The following SPRY3 variants were observed in gnomAD, a reference collection of about 807,000 sequenced individuals.
The protein encoded by SPRY3 is sprouty RTK signaling antagonist 3.
Under a neutral mutation model 20.2 loss-of-function variants are expected in SPRY3, and 15 were observed. The ratio of observed to expected loss-of-function variants is 0.74; its 90% CI spans 0.50 to 1.14. The LOEUF (loss-of-function observed/expected upper bound fraction) is 1.14, where lower values mean the gene tolerates loss of function less well. Among genes scored for constraint, SPRY3 ranks in the 50% most tolerant of loss-of-function variants. The pLI is 0.00. For synonymous variants in SPRY3, 143 were observed against 136.5 expected (o/e 1.05, Z -0.33); for missense variants, 364 against 363.9 (o/e 1.00, Z 0.00).
exon 4 of SPRY3, chrX:155,775,514 G>T (rs2091419078): frequency 6.0e-6 from 1 of 167,086 alleles, no homozygotes; most frequent in Non-Finnish European, 1.5e-5. Context: ...AAGGGAAATG[G>T]ATTACTGTAA....
At chrX:155,629,597 G>A (rs1196938226) in intron 1 of SPRY3, among the ~76,000 whole-genome samples, 18 of 111,572 alleles carry the variant, frequency 1.6e-4, no homozygotes, top group African/African-American at 5.9e-4. Flanking sequence ...CTTCCACAAT[G>A]GTTGAACTAG....
chrX:155,660,486 G>GTA (rs1353502339), intron 2 of SPRY3, among the ~76,000 whole-genome samples: 3 of 111,813 alleles, frequency 2.7e-5, no homozygotes, highest in Non-Finnish European at 5.6e-5. Context: ...TGAGAAGAAT[G>GTA]TATATACTGC....
exon 4 of SPRY3, chrX:155,774,499 C>A: frequency 6.2e-7 from 1 of 1,614,006 alleles, no homozygotes; most frequent in East Asian, 2.2e-5. Flanking sequence ...TGCTGATGAG[C>A]CCTGCTCTTG....
In SPRY3 at chrX:155,633,973, C is replaced by T. The variant is rs782451186; in HGVS notation, c.-441+21326C>T. On this transcript the variant is annotated intron_variant, in intron 1 of 3. Coordinates refer to ENST00000675360, the Ensembl canonical transcript of SPRY3. ...GCATGCGCCCGTAGTTCCAGCTACT[C>T]GGGAGGCTGAGGCAGGAGAATTGCT... is the stretch of plus-strand genomic sequence containing the variant. Among the ~76,000 whole-genome samples, 3 of 110,791 alleles carry T rather than the reference C, an allele frequency of 2.7e-5. No homozygotes were observed. The South Asian group carries it at 1.2e-3, about 43-fold the overall frequency.
intron 2 of SPRY3, among the ~76,000 whole-genome samples, chrX:155,697,220 G>A (rs1277071811): frequency 9.0e-6 from 1 of 110,761 alleles, no homozygotes; most frequent in East Asian, 2.8e-4. Flanking sequence ...AGTGTAGGTG[G>A]GCATCATCCA....
At chrX:155,732,550 G>A (rs1346333355) in intron 2 of SPRY3, among the ~76,000 whole-genome samples, 2 of 151,978 alleles carry the variant, frequency 1.3e-5, no homozygotes, top group Admixed American at 1.3e-4. Flanking sequence ...TACTGTCAGT[G>A]GGAATATAAA....
intron 1 of SPRY3, among the ~76,000 whole-genome samples, chrX:155,628,388 C>G (rs1042310515): frequency 8.9e-6 from 1 of 111,935 alleles, no homozygotes; most frequent in African/African-American, 3.2e-5. Flanking sequence ...ATCATCAGAG[C>G]GAACAGGCAA....
In SPRY3 at chrX:155,711,073, G is replaced by A. The variant is rs1195853673; in HGVS notation, c.-282+54048G>A. 4.6e-5 allele frequency among the ~76,000 whole-genome samples: 7 copies of A among 151,724 alleles called. No individual in the cohort carries two copies. The East Asian group carries it at 1.3e-3, about 29-fold the overall frequency. On this transcript the variant is annotated intron_variant, in intron 2 of 3. Coordinates refer to ENST00000675360, the Ensembl canonical transcript of SPRY3. The stretch of plus-strand genomic sequence containing the variant: ...GTGCAACTTGGTTTGCTAGTATTTT[G>A]TTGAAGAATTTGCATCAATATTCAT...
At chrX:155,658,896 G>T (rs1268089398) in intron 2 of SPRY3, among the ~76,000 whole-genome samples, 1 of 111,257 alleles carries the variant, frequency 9.0e-6, no homozygotes, top group Non-Finnish European at 1.9e-5. Context: ...ATCATGAAAG[G>T]GTACTAAATT....
intron 2 of SPRY3, among the ~76,000 whole-genome samples, chrX:155,743,786 T>C (rs1315139168): frequency 6.6e-6 from 1 of 151,990 alleles, no homozygotes; most frequent in African/African-American, 2.4e-5. Context: ...ATTTATCAAA[T>C]ATGTAAATAA....
At chrX:155,740,860 A>G (rs1214534020) in intron 2 of SPRY3, among the ~76,000 whole-genome samples, 1 of 148,356 alleles carries the variant, frequency 6.7e-6, no homozygotes, top group Non-Finnish European at 1.5e-5. Context: ...CTTAATAAAA[A>G]CCTGCTGGTT....
At chrX:155,732,456 A>G (rs2091139681) in intron 2 of SPRY3, among the ~76,000 whole-genome samples, 2 of 152,102 alleles carry the variant, frequency 1.3e-5, no homozygotes, top group Non-Finnish European at 2.9e-5. Context: ...ACAATGAGAT[A>G]TCTCAGCCCA....
At chrX:155,709,927 C>T (rs961615271) in intron 2 of SPRY3, among the ~76,000 whole-genome samples, 3 of 151,664 alleles carry the variant, frequency 2.0e-5, no homozygotes, top group African/African-American at 4.8e-5. Flanking sequence ...TTCCTTTTCC[C>T]CAATGTATGT....
intron 2 of SPRY3, among the ~76,000 whole-genome samples, chrX:155,720,689 A>G (rs1451880480): frequency 6.6e-6 from 1 of 152,158 alleles, no homozygotes; most frequent in Non-Finnish European, 1.5e-5. Context: ...CTTGTCCAAG[A>G]CCATCAAGGC....
In SPRY3 at chrX:155,621,914, G is replaced by A. The variant is rs1451819793; in HGVS notation, c.-441+9267G>A. ...CCAACAGAGCAGTGCAGAAGACCCC[G>A]ACATGGGTTCCCTGCCCTGCTTTTA... On this transcript the variant is annotated intron_variant, in intron 1 of 3. Transcript: ENST00000675360. Among the ~76,000 whole-genome samples, 6 of 111,553 alleles carry A rather than the reference G, an allele frequency of 5.4e-5. No homozygotes were observed. The East Asian group carries it at 1.7e-3, about 32-fold the overall frequency.
chrX:155,759,716 T>A (rs909305294), intron 2 of SPRY3, among the ~76,000 whole-genome samples: 10 of 152,292 alleles, frequency 6.6e-5, no homozygotes, highest in Middle Eastern at 3.4e-3. Flanking sequence ...TATATTACCA[T>A]ATGATGACGG....
intron 2 of SPRY3, among the ~76,000 whole-genome samples, chrX:155,706,084 A>G (rs909238439): frequency 6.6e-6 from 1 of 151,338 alleles, no homozygotes; most frequent in Admixed American, 6.6e-5. Flanking sequence ...TGTGTGTGGA[A>G]TATTCACCAA....
chrX:155,719,997 G>A (rs899591850), intron 2 of SPRY3, among the ~76,000 whole-genome samples: 17 of 152,240 alleles, frequency 1.1e-4, no homozygotes, highest in African/African-American at 4.1e-4. Context: ...GGCTCTTGGA[G>A]TCCCCAGTTC....
At chrX:155,751,924 G>GAAAGA (rs1251821834) in intron 2 of SPRY3, among the ~76,000 whole-genome samples, 1 of 121,662 alleles carries the variant, frequency 8.2e-6, no homozygotes. Context: ...CAAGGGAAGG[G>GAAAGA]AAATAAAATA....
Sources: allele counts gnomAD v4.1 joint callset (sites outside exome capture counted in the v4.1 genomes callset), GRCh38; gene constraint gnomAD v4.1.1; transcripts MANE v1.5; gene names NCBI Gene and HGNC (gene_info 2026-07-23, HGNC 2026-07-21).